Variants in TNFRSF21 observed in about 807,000 individuals in gnomAD.
TNFRSF21 encodes the protein TNF receptor superfamily member 21.
A neutral mutation model predicts 45.6 loss-of-function variants in TNFRSF21; 19 were observed. The observed-to-expected ratio is 0.42, with a 90% CI of 0.29 to 0.61. The LOEUF is 0.61. TNFRSF21 is among the 20% of genes least tolerant of loss of function. The probability of loss-of-function intolerance (pLI) is 0.23; values close to 1 mark genes in which losing one functional copy is unlikely to be tolerated. For missense variants in TNFRSF21, 737 were observed against 851.5 expected (o/e 0.87, Z 1.67); for synonymous variants, 314 against 335.5 (o/e 0.94, Z 0.70).
At chr6:47,300,272 T>G (rs1762846412) in intron 1 of TNFRSF21, among the ~76,000 whole-genome samples, 1 of 152,156 alleles carries the variant, frequency 6.6e-6, no homozygotes, top group Non-Finnish European at 1.5e-5. Flanking sequence ...CAGACCACCA[T>G]AGACTGCTCA....
intron 4 of TNFRSF21, among the ~76,000 whole-genome samples, chr6:47,244,548 G>A (rs1050296559): frequency 3.3e-5 from 5 of 151,998 alleles, no homozygotes; most frequent in African/African-American, 7.3e-5. Flanking sequence ...GTTCTTGTAC[G>A]GCTTCTGTGC....
chr6:47,237,784 G>A (rs371454185), intron 4 of TNFRSF21, among the ~76,000 whole-genome samples: 22 of 152,106 alleles, frequency 1.4e-4, no homozygotes, highest in African/African-American at 4.6e-4. Flanking sequence ...ACCATAACCA[G>A]TTGACCTATA....
chr6:47,251,570 C>T (rs1395902707), intron 4 of TNFRSF21, among the ~76,000 whole-genome samples: 1 of 152,158 alleles, frequency 6.6e-6, no homozygotes, highest in Non-Finnish European at 1.5e-5. Flanking sequence ...TTTGGGTTAA[C>T]CAAATCCTAA....
At position 47,232,624 on chromosome 6, in the gene TNFRSF21, A is replaced by AACACACACACACACAC. The variant is rs34093099; in HGVS notation, c.*125_*140dup. The AACACACACACACACAC allele has an allele frequency of 2.3e-3, 1,276 of 562,878 alleles. No homozygotes were observed. Among genetic ancestry groups the AACACACACACACACAC allele is most frequent in the South Asian group, 7.3e-3 (317 of 43,168 alleles). 34.9% of individuals were successfully genotyped at this position (562,878 alleles called of 1,614,324 possible). The stretch of plus-strand genomic sequence containing the variant: ...CAAGCACTGGCCATATTCTCTGTTA[A>AACACACACACACACAC]ACACACACACACACACACACACACA... On this transcript the variant is annotated 3_prime_UTR_variant, in exon 6 of 6. Coordinates refer to ENST00000296861, the MANE Select transcript of TNFRSF21 (RefSeq NM_014452.5).
At chr6:47,304,357 C>T (rs1454021614) in intron 1 of TNFRSF21, among the ~76,000 whole-genome samples, 1 of 151,976 alleles carries the variant, frequency 6.6e-6, no homozygotes, top group Non-Finnish European at 1.5e-5. Flanking sequence ...GAAGGACCAG[C>T]TGAACACAAA....
At chr6:47,305,429 T>C (rs968607473) in intron 1 of TNFRSF21, among the ~76,000 whole-genome samples, 2 of 152,204 alleles carry the variant, frequency 1.3e-5, no homozygotes, top group Non-Finnish European at 1.5e-5. Flanking sequence ...CATTCTAGGA[T>C]TGTAGAGCTA....
At chr6:47,292,412 G>A (rs1178598747) in intron 1 of TNFRSF21, among the ~76,000 whole-genome samples, 1 of 151,764 alleles carries the variant, frequency 6.6e-6, no homozygotes, top group Non-Finnish European at 1.5e-5. Context: ...CCCATCATCT[G>A]GATCACTGTG....
chr6:47,267,591 C>G (rs1006949100), intron 3 of TNFRSF21, among the ~76,000 whole-genome samples: 1 of 152,188 alleles, frequency 6.6e-6, no homozygotes, highest in Non-Finnish European at 1.5e-5. Flanking sequence ...CTCACTCCAG[C>G]TCTCCATGAA....
chr6:47,245,697 T>C (rs1764815215), intron 4 of TNFRSF21, among the ~76,000 whole-genome samples: 1 of 152,204 alleles, frequency 6.6e-6, no homozygotes, highest in Non-Finnish European at 1.5e-5. Flanking sequence ...ATGGTATATC[T>C]TACAATTGAC....
At chr6:47,307,618 C>T (rs1163346616) in intron 1 of TNFRSF21, among the ~76,000 whole-genome samples, 3 of 152,204 alleles carry the variant, frequency 2.0e-5, no homozygotes, top group Non-Finnish European at 4.4e-5. Flanking sequence ...AAGCAATCCT[C>T]CCACCCTGGC....
At chr6:47,291,416 T>C (rs1282889827) in intron 1 of TNFRSF21, among the ~76,000 whole-genome samples, 5 of 150,772 alleles carry the variant, frequency 3.3e-5, no homozygotes, top group Admixed American at 3.3e-4. Flanking sequence ...AAAACCCAGT[T>C]AGAGGGTGAA....
intron 2 of TNFRSF21, 44 bp downstream of exon 2, chr6:47,285,900 G>T: frequency 6.3e-7 from 1 of 1,590,208 alleles, no homozygotes; most frequent in Non-Finnish European, 8.6e-7. Flanking sequence ...CCTCCACTGG[G>T]CTCAAAGCCT....
At chr6:47,282,297 A>T (rs1353638369) in intron 3 of TNFRSF21, among the ~76,000 whole-genome samples, 1 of 150,822 alleles carries the variant, frequency 6.6e-6, no homozygotes, top group Non-Finnish European at 1.5e-5. Flanking sequence ...AGGCAGGAGA[A>T]TCGCTTGAAC....
At chr6:47,258,397 G>GT (rs778644346) in intron 3 of TNFRSF21, among the ~76,000 whole-genome samples, 9,588 of 124,440 alleles carry the variant, frequency 0.077, 502 homozygotes, top group African/African-American at 0.17. Flanking sequence ...AAGTAATTGT[G>GT]GTTTTTTTTT....
In TNFRSF21 at chr6:47,294,245, G is replaced by A. The variant is rs573024121; in HGVS notation, c.97-7650C>T. ...TGCAACCTCCGCCTCCTGGGTTCAA[G>A]CAATTCCCCTGCCTCAGCCTCCTGA... On this transcript the variant is annotated intron_variant, in intron 1 of 5. Transcript: ENST00000296861. Among the ~76,000 whole-genome samples, 114 of 152,318 alleles carry A rather than the reference G, an allele frequency of 7.5e-4. No individual in the cohort carries two copies. In the South Asian group the frequency reaches 0.013, roughly 17 times the overall value.
At chr6:47,302,201 A>T (rs1343297948) in intron 1 of TNFRSF21, among the ~76,000 whole-genome samples, 1 of 152,182 alleles carries the variant, frequency 6.6e-6, no homozygotes, top group Admixed American at 6.5e-5. Flanking sequence ...TAAACCACAC[A>T]CAAACACATG....
At chr6:47,282,852 T>A (rs1053928216) in intron 3 of TNFRSF21, among the ~76,000 whole-genome samples, 4 of 152,326 alleles carry the variant, frequency 2.6e-5, no homozygotes, top group South Asian at 4.1e-4. Context: ...GAATATACCA[T>A]AATTTACTTA....
At chr6:47,269,684 T>C (rs6914371) in intron 3 of TNFRSF21, among the ~76,000 whole-genome samples, 1 of 152,038 alleles carries the variant, frequency 6.6e-6, no homozygotes, top group African/African-American at 2.4e-5. Context: ...CAAGAGATAA[T>C]GTACCAAACA....
rs1411706851 is a variant in TNFRSF21 at position 47,283,970 on chromosome 6, C to T, written c.1211G>A (p.Arg404Gln). The change falls in exon 3 of 6, where the codon CGG (arginine) becomes CAG (glutamine). Residue 404 changes from arginine (R) to glutamine (Q), a missense_variant. Arg to Gln is a conservative substitution (Grantham distance 43). Transcript: ENST00000296861. ...ATTGCAGTAGTAGATCCATTTCTCC[C>T]GGTTCTGGGTTGGAGTCATGGATTT... ...LKKSMTPTQN[R>Q]EKWIYYCNGH... The T allele has an allele frequency of 6.2e-6, 10 of 1,613,866 alleles. No homozygotes were observed. In the Admixed American group the frequency reaches 6.7e-5, roughly 11 times the overall value.
Sources: allele counts gnomAD v4.1 joint callset (sites outside exome capture counted in the v4.1 genomes callset), GRCh38; gene constraint gnomAD v4.1.1; transcripts MANE v1.5; gene names NCBI Gene and HGNC (gene_info 2026-07-23, HGNC 2026-07-21).